Variants in KLHL14 observed in about 807,000 individuals in gnomAD.
The protein encoded by KLHL14 is kelch like family member 14.
In KLHL14, 22 loss-of-function variants were observed where a neutral mutation model predicts 64.3. The observed-to-expected ratio is 0.34, with a 90% CI of 0.24 to 0.49. KLHL14 has a LOEUF of 0.49. Ranked by LOEUF, KLHL14 falls within the 20% of genes least tolerant of loss-of-function variation. The pLI is 0.99. For synonymous variants in KLHL14, 322 were observed against 333.4 expected (o/e 0.97, Z 0.37); for missense variants, 661 against 789.0 (o/e 0.84, Z 1.94).
chr18:32,741,214 T>C (rs2050195444), intron 3 of KLHL14, among the ~76,000 whole-genome samples: 2 of 152,216 alleles, frequency 1.3e-5, no homozygotes, highest in African/African-American at 4.8e-5. Flanking sequence ...CACAGCCTGC[T>C]GCACTCAAGA....
chr18:32,705,378 A>G (rs2049985033), intron 3 of KLHL14, among the ~76,000 whole-genome samples: 2 of 152,242 alleles, frequency 1.3e-5, no homozygotes, highest in Admixed American at 1.3e-4. Context: ...AAAACATCAC[A>G]GTGTACCCTA....
chr18:32,680,446 A>G lies in KLHL14; in HGVS notation c.1392T>C (p.His464=), dbSNP rs1361560202. The change falls in exon 6 of 9, where the codon CAT becomes CAC. Residue 464 remains histidine, a synonymous_variant. Coordinates refer to ENST00000359358, the MANE Select transcript of KLHL14 (RefSeq NM_020805.3). This position sits in a 1 kb window ranked among gnomAD's most constrained non-coding sequence, Gnocchi z 4.8. ...VSSLPQPLAA[H]AGAVHNGKIY... ...TTTTCCCATTGTGCACTGCTCCCGC[A>G]TGAGCCGCCAGAGGCTGTGGCAAAG... is the stretch of plus-strand genomic sequence containing the variant. The G allele has an allele frequency of 3.1e-6, 5 of 1,613,932 alleles. No homozygotes were observed. The highest frequency in any genetic ancestry group is 1.7e-5 in the Admixed American group (1 of 59,992).
At chr18:32,728,231 C>A (rs955546212) in intron 3 of KLHL14, among the ~76,000 whole-genome samples, 4 of 152,176 alleles carry the variant, frequency 2.6e-5, no homozygotes, top group Admixed American at 6.5e-5. Context: ...ACAACATGCA[C>A]TCTGTTGTTA....
At chr18:32,682,424 A>T (rs1007200396) in intron 5 of KLHL14, among the ~76,000 whole-genome samples, 3 of 152,248 alleles carry the variant, frequency 2.0e-5, no homozygotes, top group Non-Finnish European at 4.4e-5. Flanking sequence ...GTCAGATTTC[A>T]TAAAGTAAAG....
chr18:32,767,117 A>G (rs2050350395), intron 2 of KLHL14, among the ~76,000 whole-genome samples: 1 of 152,230 alleles, frequency 6.6e-6, no homozygotes, highest in Admixed American at 6.5e-5. Context: ...AATTGTCTTC[A>G]ATGAAAGTGA....
intron 3 of KLHL14, among the ~76,000 whole-genome samples, chr18:32,704,530 C>T (rs1401521061): frequency 6.6e-6 from 1 of 152,086 alleles, no homozygotes. Flanking sequence ...TGAGACCAGC[C>T]TGACTAACAT....
At chr18:32,698,346 G>A (rs776756223) in intron 3 of KLHL14, among the ~76,000 whole-genome samples, 16 of 152,106 alleles carry the variant, frequency 1.1e-4, no homozygotes, top group Non-Finnish European at 1.9e-4. Context: ...AGTTTTTAGC[G>A]TGTCAGTCAG....
chr18:32,690,502 G>A (rs2049902079), intron 4 of KLHL14, among the ~76,000 whole-genome samples: 1 of 152,078 alleles, frequency 6.6e-6, no homozygotes, highest in Non-Finnish European at 1.5e-5. Flanking sequence ...GGGCGAGGAG[G>A]GCAGATCTTT....
intron 8 of KLHL14, among the ~76,000 whole-genome samples, chr18:32,676,557 A>T (rs950218003): frequency 6.6e-6 from 1 of 152,282 alleles, no homozygotes; most frequent in East Asian, 1.9e-4. Context: ...TTAAAAGGTA[A>T]ATACTGAAGC....
Position 32,680,299 on chromosome 18 carries a change from T to C in KLHL14, c.1458A>G (p.Pro486=). 1 of 1,613,920 alleles carries C rather than the reference T, an allele frequency of 6.2e-7. No homozygotes were observed. The highest frequency in any genetic ancestry group is 8.5e-7 in the Non-Finnish European group (1 of 1,179,844). ...SGGVHNGEYV[P]WLYCYDPVMD... ...TTACTGGGTCATAGCAATATAGCCATGGGACATATTCTCCATTGTGTACAC... is the reference window on the plus strand; with the variant it reads ...TTACTGGGTCATAGCAATATAGCCACGGGACATATTCTCCATTGTGTACAC... Residue 486 remains proline, a synonymous_variant, in exon 7 of 9, where the codon CCA becomes CCG. Transcript: ENST00000359358. The surrounding 1 kb of genome is among the most constrained non-coding windows in gnomAD (Gnocchi z 4.8).
At chr18:32,742,707 G>C (rs2050205212) in intron 2 of KLHL14, 1 of 152,230 alleles carries the variant, frequency 6.6e-6, no homozygotes, top group Non-Finnish European at 1.5e-5. Context: ...AGCACCAATT[G>C]GTAAAAATGA....
At chr18:32,735,948 C>G (rs1333886650) in intron 3 of KLHL14, among the ~76,000 whole-genome samples, 2 of 152,138 alleles carry the variant, frequency 1.3e-5, no homozygotes, top group Non-Finnish European at 2.9e-5. Flanking sequence ...CAATGATTTG[C>G]CAGACTTAGT....
chr18:32,748,392 T>G (rs1043672503), intron 2 of KLHL14, among the ~76,000 whole-genome samples: 5 of 150,774 alleles, frequency 3.3e-5, no homozygotes, highest in Non-Finnish European at 7.4e-5. Context: ...TTTTTTGAGA[T>G]GGAGTATCGC....
At chr18:32,706,246 G>A (rs2049989710) in intron 3 of KLHL14, among the ~76,000 whole-genome samples, 1 of 152,144 alleles carries the variant, frequency 6.6e-6, no homozygotes, top group African/African-American at 2.4e-5. Context: ...TCAACAGCTT[G>A]TCACACATAA....
rs2049790822 is a variant in KLHL14 at position 32,672,727 on chromosome 18, C to T, written c.*1930G>A. 1 of 152,608 alleles carries T rather than the reference C, an allele frequency of 6.6e-6. No homozygotes were observed. The highest frequency in any genetic ancestry group is 2.1e-4 in the South Asian group (1 of 4,830). 9.5% of individuals were successfully genotyped at this position (152,608 alleles called of 1,614,324 possible). ...TCCCCTTCCAAGCAAGCTTCATTTA[C>T]ACATTCTAATACTGTACAAAATTTA... On this transcript the variant is annotated 3_prime_UTR_variant, in exon 9 of 9. Coordinates refer to ENST00000359358, the MANE Select transcript of KLHL14 (RefSeq NM_020805.3).
At chr18:32,764,172 G>T (rs192738875) in intron 2 of KLHL14, among the ~76,000 whole-genome samples, 1 of 151,702 alleles carries the variant, frequency 6.6e-6, no homozygotes, top group Non-Finnish European at 1.5e-5. Flanking sequence ...AAATATACTC[G>T]CCTATTTTGA....
intron 2 of KLHL14, among the ~76,000 whole-genome samples, chr18:32,755,947 A>G (rs2050279464): frequency 6.6e-6 from 1 of 152,170 alleles, no homozygotes; most frequent in African/African-American, 2.4e-5. Flanking sequence ...AGCTGCCTAG[A>G]TAACTTTGCT....
At chr18:32,731,411 C>G (rs1341578111) in intron 3 of KLHL14, among the ~76,000 whole-genome samples, 1 of 151,950 alleles carries the variant, frequency 6.6e-6, no homozygotes, top group Non-Finnish European at 1.5e-5. Context: ...TGCATGTTCT[C>G]TCTTATAAGT....
chr18:32,730,990 C>T (rs1173200124), intron 3 of KLHL14, among the ~76,000 whole-genome samples: 3 of 152,158 alleles, frequency 2.0e-5, no homozygotes, highest in Admixed American at 1.3e-4. Flanking sequence ...ACAAAACCAT[C>T]CTTAATCCCA....
Sources: allele counts gnomAD v4.1 joint callset (sites outside exome capture counted in the v4.1 genomes callset), GRCh38; gene constraint gnomAD v4.1.1; non-coding constraint Gnocchi (gnomAD v3.1); transcripts MANE v1.5; gene names NCBI Gene and HGNC (gene_info 2026-07-23, HGNC 2026-07-21).